GPX6: variants seen among roughly 807,000 people sequenced by gnomAD.
GPX6 encodes the protein glutathione peroxidase 6, also known as glutathione peroxidase 6 (olfactory).
Under a neutral mutation model 20.0 loss-of-function variants are expected in GPX6, and 21 were observed. That is an observed-to-expected ratio of 1.05 (90% CI 0.74 to 1.51). The LOEUF (loss-of-function observed/expected upper bound fraction) is 1.51. GPX6 is among the 40% of genes most tolerant of loss of function. GPX6 has a pLI of 0.00. For synonymous variants in GPX6, 75 were observed against 98.0 expected, an observed-to-expected ratio of 0.77 and a Z score of 1.38; for missense variants, 233 against 254.7, an observed-to-expected ratio of 0.91 and a Z score of 0.58.
chr6:28,512,945 C>T (rs1170937356), intron 1 of GPX6, among the ~76,000 whole-genome samples: 1 of 152,154 alleles, frequency 6.6e-6, no homozygotes, highest in Non-Finnish European at 1.5e-5. Flanking sequence ...CTGAACACAT[C>T]CGAACATCAG....
At chr6:28,512,932 ACT>A (rs768637270) in intron 1 of GPX6, among the ~76,000 whole-genome samples, 7 of 151,580 alleles carry the variant, frequency 4.6e-5, no homozygotes, top group South Asian at 2.1e-4. Context: ...GAAGGAACAA[ACT>A]CTGAACACAT....
At chr6:28,513,206 T>G (rs538497475) in intron 1 of GPX6, among the ~76,000 whole-genome samples, 1 of 152,180 alleles carries the variant, frequency 6.6e-6, no homozygotes, top group Non-Finnish European at 1.5e-5. Context: ...CCGATTCTTC[T>G]CGTAAACCAA....
intron 1 of GPX6, among the ~76,000 whole-genome samples, chr6:28,512,340 T>TA (rs1762896722): frequency 6.6e-6 from 1 of 152,240 alleles, no homozygotes; most frequent in Admixed American, 6.5e-5. Context: ...TCAAGGTTTG[T>TA]AAACACACCA....
chr6:28,507,504 T>G (rs1263148677), intron 2 of GPX6, among the ~76,000 whole-genome samples: 3 of 152,250 alleles, frequency 2.0e-5, no homozygotes, highest in Non-Finnish European at 4.4e-5. Flanking sequence ...ACTAATTTAA[T>G]AAATTATATC....
In GPX6 at chr6:28,504,113, C is replaced by G. The variant is rs978605578; in HGVS notation, c.*179G>C. 1.6e-6 allele frequency: 1 copy of G among 613,506 alleles called. No individual in the cohort carries two copies. Among genetic ancestry groups the G allele is most frequent in the African/African-American group, 1.8e-5 (1 of 54,106 alleles). 38.0% of individuals were successfully genotyped at this position (613,506 alleles called of 1,614,324 possible). On this transcript the variant is annotated 3_prime_UTR_variant, in exon 5 of 5. Coordinates refer to ENST00000361902, the MANE Select transcript of GPX6 (RefSeq NM_182701.1). ...CTACATATCCATACACACACACACACACACACACACAGCTACACACACATG... is the reference window on the plus strand; with the variant it reads ...CTACATATCCATACACACACACACAGACACACACACAGCTACACACACATG...
intron 1 of GPX6, among the ~76,000 whole-genome samples, chr6:28,511,391 T>C (rs1762869976): frequency 6.6e-6 from 1 of 152,086 alleles, no homozygotes; most frequent in African/African-American, 2.4e-5. Context: ...GGCTTGCCAA[T>C]GGGGTAATCA....
At chr6:28,505,616 G>A in intron 4 of GPX6, 87 bp downstream of exon 4, 1 of 1,004,396 alleles carries the variant, frequency 1.0e-6, no homozygotes. Flanking sequence ...CTTTTCCAAG[G>A]AGTCCAACCA....
chr6:28,513,208 G>A (rs554618539), intron 1 of GPX6, among the ~76,000 whole-genome samples: 4 of 152,240 alleles, frequency 2.6e-5, no homozygotes, highest in South Asian at 2.1e-4. Context: ...GATTCTTCTC[G>A]TAAACCAAGG....
rs1050261098 is a variant in GPX6, at chr6:28,508,236, A to G, written c.242-1807T>C. ...TTCCATGGAACTGCGTTTACACATC[A>G]CAACTTTTAAAATTTACCATATTTT... On this transcript the variant is annotated intron_variant, in intron 2 of 4. Transcript: ENST00000361902. Among the ~76,000 whole-genome samples, 68 of 152,228 alleles carry G rather than the reference A, an allele frequency of 4.5e-4. 1 individual carries two copies. Among genetic ancestry groups the G allele is most frequent in the Admixed American group, 4.4e-3 (67 of 15,288 alleles).
At chr6:28,509,884 C>T (rs1195641650) in intron 2 of GPX6, among the ~76,000 whole-genome samples, 1 of 152,208 alleles carries the variant, frequency 6.6e-6, no homozygotes, top group Non-Finnish European at 1.5e-5. Context: ...CAGAAAACTT[C>T]ATTTCCCTCT....
intron 1 of GPX6, among the ~76,000 whole-genome samples, chr6:28,514,792 G>A (rs1301826739): frequency 1.3e-5 from 2 of 152,232 alleles, no homozygotes; most frequent in Non-Finnish European, 2.9e-5. Flanking sequence ...ACCTTTTATA[G>A]AGGACAGAAA....
intron 1 of GPX6, among the ~76,000 whole-genome samples, chr6:28,514,685 GT>G (rs1190925177): frequency 6.6e-6 from 1 of 152,188 alleles, no homozygotes; most frequent in Admixed American, 6.5e-5. Flanking sequence ...GAATCAGAAA[GT>G]CTTGGGTGGG....
At chr6:28,512,878 C>T (rs1157343058) in intron 1 of GPX6, among the ~76,000 whole-genome samples, 1 of 152,160 alleles carries the variant, frequency 6.6e-6, no homozygotes, top group South Asian at 2.1e-4. Flanking sequence ...ACTCTTGAGC[C>T]TCTGCAGCTT....
At chr6:28,506,222 C>T in intron 3 of GPX6, 90 bp downstream of exon 3, 2 of 804,350 alleles carry the variant, frequency 2.5e-6, no homozygotes, top group South Asian at 1.4e-5. Flanking sequence ...ATGGCCTATC[C>T]CAGAAGTTTC....
At position 28,510,629 on chromosome 6, in the gene GPX6, T is replaced by C. The variant is rs187950275; in HGVS notation, c.241+122A>G. On this transcript the variant is annotated intron_variant, in intron 2 of 4. Coordinates refer to ENST00000361902, the MANE Select transcript of GPX6 (RefSeq NM_182701.1). ...AGAGCAGGAGCAGCATTTAGGGAGG[T>C]AGAGTCACCTGATCAGTTCTCCCAT... 1,677 of 873,042 alleles carry C rather than the reference T, an allele frequency of 1.9e-3. 7 individuals are homozygous for C. The highest frequency in any genetic ancestry group is 3.4e-3 in the African/African-American group (202 of 59,680). 54.1% of individuals were successfully genotyped at this position (873,042 alleles called of 1,614,324 possible).
chr6:28,514,297 G>A (rs1433642012), intron 1 of GPX6, among the ~76,000 whole-genome samples: 1 of 152,142 alleles, frequency 6.6e-6, no homozygotes, highest in African/African-American at 2.4e-5. Flanking sequence ...CTGCAGACTC[G>A]AAGAGCTCAA....
rs1762774648 is a variant in GPX6, at chr6:28,503,343, G to C, written c.*949C>G. On this transcript the variant is annotated 3_prime_UTR_variant, in exon 5 of 5. Transcript: ENST00000361902. ...AAGGAAAGTTCTAGAGCATTTTTGA[G>C]AAAAACAAAATACTGAAGAACAAGA... The C allele has an allele frequency of 6.6e-6, 1 of 152,172 alleles. No individual in the cohort carries two copies. Among genetic ancestry groups the C allele is most frequent in the South Asian group, 2.1e-4 (1 of 4,826 alleles). 9.4% of individuals were successfully genotyped at this position (152,172 alleles called of 1,614,324 possible).
rs558545637 is a variant in GPX6 at position 28,506,338 on chromosome 6, T to C, written c.333A>G (p.Thr111=). 1.9e-6 allele frequency: 3 copies of C among 1,612,846 alleles called. No homozygotes were observed. The highest frequency in any genetic ancestry group is 2.2e-5 in the South Asian group (2 of 91,072). Residue 111 remains threonine, a synonymous_variant, in exon 3 of 5, where the codon ACA becomes ACG. Coordinates refer to ENST00000361902, the MANE Select transcript of GPX6 (RefSeq NM_182701.1). ...TGAGACCAAGAAGTATTTCTGAGTTTGTTCCTGGTTCTTGTTTTCCAAACT... is the reference window on the plus strand; with the variant it reads ...TGAGACCAAGAAGTATTTCTGAGTTCGTTCCTGGTTCTTGTTTTCCAAACT... ...CNQFGKQEPG[T]NSEILLGLKY...
intron 3 of GPX6, 68 bp downstream of exon 3, chr6:28,506,244 G>C: frequency 2.2e-6 from 2 of 907,064 alleles, no homozygotes; most frequent in South Asian, 2.6e-5. Context: ...AGAATAGGCA[G>C]GCATCTAGGT....
Sources: gnomAD v4.1 joint callset for allele counts (sites outside exome capture counted in the v4.1 genomes callset) on GRCh38, gnomAD v4.1.1 for gene constraint, MANE v1.5 for transcripts, NCBI Gene and HGNC (gene_info 2026-07-23, HGNC 2026-07-21) for gene names.